The following PNPLA1 variants were observed in gnomAD, a reference collection of about 807,000 sequenced individuals.
PNPLA1 encodes omega-hydroxyceramide transacylase.
A neutral mutation model predicts 51.7 loss-of-function variants in PNPLA1; 36 were observed. The ratio of observed to expected loss-of-function variants is 0.70; its 90% CI spans 0.53 to 0.92. The LOEUF (loss-of-function observed/expected upper bound fraction) is 0.92. Ranked by LOEUF, PNPLA1 falls within the 40% of genes least tolerant of loss-of-function variation. PNPLA1 has a pLI of 0.00. For missense variants in PNPLA1, 658 were observed against 682.5 expected (o/e 0.96, Z 0.40); for synonymous variants, 293 against 280.1 (o/e 1.05, Z -0.46).
intron 1 of PNPLA1, among the ~76,000 whole-genome samples, chr6:36,280,891 G>A (rs1275195053): frequency 6.6e-6 from 1 of 152,220 alleles, no homozygotes; most frequent in Non-Finnish European, 1.5e-5. Context: ...CTGGGCTCAA[G>A]TGATCCTCCT....
chr6:36,276,384 G>A (rs912167373), intron 1 of PNPLA1, among the ~76,000 whole-genome samples: 7 of 152,124 alleles, frequency 4.6e-5, no homozygotes, highest in South Asian at 4.1e-4. Context: ...AACTTCTGGC[G>A]TGTATGCCCA....
chr6:36,299,377 C>T (rs1770960134), intron 5 of PNPLA1, among the ~76,000 whole-genome samples: 1 of 150,034 alleles, frequency 6.7e-6, no homozygotes, highest in South Asian at 2.1e-4. Flanking sequence ...CTCTGTCACC[C>T]AGGCTGGAGT....
At chr6:36,285,179 TAGC>T (rs1405173030) in intron 1 of PNPLA1, among the ~76,000 whole-genome samples, 1 of 152,234 alleles carries the variant, frequency 6.6e-6, no homozygotes, top group African/African-American at 2.4e-5. Context: ...AGGGACCAGA[TAGC>T]AGCCAACTCT....
In PNPLA1 at chr6:36,270,682, G is replaced by A. The variant is rs1212711289; in HGVS notation, c.205+18G>A. The A allele has an allele frequency of 1.3e-6, 2 of 1,549,232 alleles. No individual in the cohort carries two copies. The highest frequency in any genetic ancestry group is 1.7e-6 in the Non-Finnish European group (2 of 1,146,670). ...TGAAATGGGTGAGGCCTGTGTTCTG[G>A]GTCCCCTGGGAAGTCTCTTGGGGGA... is the stretch of plus-strand genomic sequence containing the variant. On this transcript the variant is annotated intron_variant, in intron 1 of 8. Transcript: ENST00000636260.
upstream of PNPLA1, among the ~76,000 whole-genome samples, chr6:36,267,838 A>G (rs182946377): frequency 9.2e-5 from 14 of 152,096 alleles, no homozygotes; most frequent in East Asian, 2.7e-3. Context: ...TGCATCTTAA[A>G]GTAAAATCAT....
chr6:36,284,808 T>C (rs1430723409), intron 1 of PNPLA1, among the ~76,000 whole-genome samples: 2 of 152,164 alleles, frequency 1.3e-5, no homozygotes, highest in Non-Finnish European at 2.9e-5. Context: ...GCCACATTTT[T>C]AGCTGTTTTA....
chr6:36,296,931 C>T (rs897501185), intron 5 of PNPLA1, among the ~76,000 whole-genome samples: 1 of 152,172 alleles, frequency 6.6e-6, no homozygotes, highest in Non-Finnish European at 1.5e-5. Flanking sequence ...CCTCAGTTTC[C>T]TCATCTGTAA....
chr6:36,271,276 A>G (rs16887314), intron 1 of PNPLA1, among the ~76,000 whole-genome samples: 24,669 of 152,092 alleles, frequency 0.16, 2,834 homozygotes, highest in African/African-American at 0.32. Context: ...CAGCGAGAAG[A>G]ACTGCTACAC....
chr6:36,245,268 C>T (rs1561843545), intron 1 of PNPLA1, among the ~76,000 whole-genome samples: 1 of 152,152 alleles, frequency 6.6e-6, no homozygotes, highest in Non-Finnish European at 1.5e-5. Flanking sequence ...CAGTGGATGG[C>T]ATTTTCCATT....
At chr6:36,263,138 A>G (rs568660306) in intron 1 of PNPLA1, among the ~76,000 whole-genome samples, 2 of 152,352 alleles carry the variant, frequency 1.3e-5, no homozygotes, top group African/African-American at 4.8e-5. Flanking sequence ...AACATAAACC[A>G]TAAACACAAA....
At position 36,302,368 on chromosome 6, in the gene PNPLA1, G is replaced by A; in HGVS notation, c.1283G>A (p.Gly428Glu). The change falls in exon 6 of 9, where the codon GGG (glycine) becomes GAG (glutamate). Residue 428 changes from glycine (G) to glutamate (E), a missense_variant. By Grantham distance (98) the Gly-to-Glu change is moderately conservative. Coordinates refer to ENST00000636260, the MANE Select transcript of PNPLA1 (RefSeq NM_001374623.1). Reference protein sequence around the residue: ...QAPTSPRPSLGPSTVGAPQTL... With the variant: ...QAPTSPRPSLEPSTVGAPQTL... Reference sequence around the variant, plus strand: ...CCCACTTCACCCAGGCCATCCCTGGGGCCTTCAACTGTGGGGGCACCTCAA... The same window carrying A: ...CCCACTTCACCCAGGCCATCCCTGGAGCCTTCAACTGTGGGGGCACCTCAA... 6.2e-7 allele frequency: 1 copy of A among 1,607,142 alleles called. No homozygotes were observed. The highest frequency in any genetic ancestry group is 1.7e-4 in the Middle Eastern group (1 of 6,034).
At position 36,270,402 on chromosome 6, in the gene PNPLA1, G is replaced by T. The variant is rs776679578; in HGVS notation, c.-58G>T. Reference sequence around the variant, plus strand: ...CTACAGGGAGCGGCAGCCCAGGCTCGGGCAGGCAAGTGCTGAAGGGTGGCT... The same window carrying T: ...CTACAGGGAGCGGCAGCCCAGGCTCTGGCAGGCAAGTGCTGAAGGGTGGCT... On this transcript the variant is annotated 5_prime_UTR_variant, in exon 1 of 9. Transcript: ENST00000636260. 1.3e-5 allele frequency: 20 copies of T among 1,530,154 alleles called. No homozygotes were observed. The highest frequency in any genetic ancestry group is 1.8e-5 in the Non-Finnish European group (20 of 1,130,002). 94.8% of individuals were successfully genotyped at this position (1,530,154 alleles called of 1,614,324 possible). A position where few individuals can be genotyped will look rare whatever the true frequency, so the allele number is the denominator to read the frequency against.
At chr6:36,277,382 C>T (rs2127329276) in intron 1 of PNPLA1, among the ~76,000 whole-genome samples, 1 of 152,320 alleles carries the variant, frequency 6.6e-6, no homozygotes, top group East Asian at 1.9e-4. Flanking sequence ...CAAGAGAACC[C>T]AGGAAATGTA....
At chr6:36,245,752 C>T (rs1336831535) in intron 1 of PNPLA1, among the ~76,000 whole-genome samples, 1 of 152,220 alleles carries the variant, frequency 6.6e-6, no homozygotes, top group Non-Finnish European at 1.5e-5. Context: ...CTGGCAGGAA[C>T]CGTCATCCCC....
chr6:36,248,049 A>T (rs1434407168), intron 1 of PNPLA1, among the ~76,000 whole-genome samples: 1 of 152,184 alleles, frequency 6.6e-6, no homozygotes, highest in East Asian at 1.9e-4. Flanking sequence ...TCCCGGGCTC[A>T]TCTGCCACCG....
chr6:36,287,789 CACA>C (rs1770544482), intron 1 of PNPLA1, among the ~76,000 whole-genome samples: 1 of 128,290 alleles, frequency 7.8e-6, no homozygotes, highest in African/African-American at 2.7e-5. Context: ...CACACACACA[CACA>C]CACCCCTGGA....
chr6:36,246,513 C>A (rs2127307890), intron 1 of PNPLA1, among the ~76,000 whole-genome samples: 1 of 152,242 alleles, frequency 6.6e-6, no homozygotes, highest in Non-Finnish European at 1.5e-5. Context: ...GATCCCGTGT[C>A]CTTAACTCCT....
At chr6:36,282,810 C>T (rs142054322) in intron 1 of PNPLA1, among the ~76,000 whole-genome samples, 55 of 152,272 alleles carry the variant, frequency 3.6e-4, no homozygotes, top group Non-Finnish European at 6.9e-4. Flanking sequence ...CTCAGCCTCC[C>T]AAGTAGCTGG....
chr6:36,264,644 A>G (rs1769723155), intron 1 of PNPLA1, among the ~76,000 whole-genome samples: 1 of 152,188 alleles, frequency 6.6e-6, no homozygotes, highest in South Asian at 2.1e-4. Flanking sequence ...GTGACGTCTC[A>G]TTGCTTTAAA....
Sources: allele counts gnomAD v4.1 joint callset (sites outside exome capture counted in the v4.1 genomes callset), GRCh38; gene constraint gnomAD v4.1.1; transcripts MANE v1.5; gene names NCBI Gene and HGNC (gene_info 2026-07-23, HGNC 2026-07-21).